PPRC1: variants seen among roughly 807,000 people sequenced by gnomAD.
PPRC1 encodes the protein PPARG related coactivator 1.
PPRC1 carries 23 observed loss-of-function variants against 132.5 expected under a neutral mutation model. The ratio of observed to expected loss-of-function variants is 0.17; its 90% confidence interval spans 0.12 to 0.25. The LOEUF is 0.25. PPRC1 is among the 10% of genes least tolerant of loss of function. The pLI, the probability that PPRC1 is intolerant of heterozygous loss-of-function variation, is 1.00. For synonymous variants in PPRC1, 872 were observed against 833.5 expected (o/e 1.05, Z -0.80); for missense variants, 2,006 against 2,089.1 (o/e 0.96, Z 0.78).
At chr10:102,137,254 G>T (rs949525768) in intron 1 of PPRC1, among the ~76,000 whole-genome samples, 4 of 152,164 alleles carry the variant, frequency 2.6e-5, no homozygotes, top group African/African-American at 9.7e-5. Flanking sequence ...CAGGAGAATC[G>T]CTTGAACCCA....
chr10:102,138,870 C>G lies in PPRC1; in HGVS notation c.490-9C>G. 1 of 1,613,718 alleles carries G rather than the reference C, an allele frequency of 6.2e-7. No homozygotes were observed. Among genetic ancestry groups the G allele is most frequent in the Non-Finnish European group, 8.5e-7 (1 of 1,179,638 alleles). On this transcript the variant is annotated splice_polypyrimidine_tract_variant and intron_variant, in intron 3 of 13. Transcript: ENST00000278070. ...ATAGACTGATCTCAGGTCTTTCTTTCCCTCTTAGCTGCACAAGCTGCTTAC... is the reference window on the plus strand; with the variant it reads ...ATAGACTGATCTCAGGTCTTTCTTTGCCTCTTAGCTGCACAAGCTGCTTAC...
At position 102,150,170 on chromosome 10, in the gene PPRC1, G is replaced by GA; in HGVS notation, c.*141_*142insA. 1 of 629,154 alleles carries GA rather than the reference G, an allele frequency of 1.6e-6. No homozygotes were observed. Among genetic ancestry groups the GA allele is most frequent in the Non-Finnish European group, 2.8e-6 (1 of 360,848 alleles). 39.0% of individuals were successfully genotyped at this position (629,154 alleles called of 1,614,324 possible). A position where few individuals can be genotyped will look rare whatever the true frequency, so the allele number is the denominator to read the frequency against. The stretch of plus-strand genomic sequence containing the variant: ...TGGAAAAAAGTGAAATAAAAAATAT[G>GA]TTGAATCAGATTTTTTAAAAGGGGT... On this transcript the variant is annotated 3_prime_UTR_variant, in exon 14 of 14. Coordinates refer to ENST00000278070, the MANE Select transcript of PPRC1 (RefSeq NM_015062.5).
At chr10:102,143,962 G>A (rs2069110931) in intron 6 of PPRC1, among the ~76,000 whole-genome samples, 1 of 152,224 alleles carries the variant, frequency 6.6e-6, no homozygotes, top group African/African-American at 2.4e-5. Flanking sequence ...TGTGAGGCCA[G>A]GAAGCTAGTT....
In PPRC1 at chr10:102,139,958, C is replaced by T. The variant is rs769353905; in HGVS notation, c.1450C>T (p.Arg484Cys). The T allele has an allele frequency of 1.1e-5, 17 of 1,614,096 alleles. No individual in the cohort carries two copies. Among genetic ancestry groups the T allele is most frequent in the African/African-American group, 5.3e-5 (4 of 74,928 alleles). Residue 484 changes from arginine (R) to cysteine (C), a missense_variant, in exon 5 of 14, where the codon CGC (arginine) becomes TGC (cysteine). Arg to Cys is a radical substitution (Grantham distance 180). Transcript: ENST00000278070. ...GYARRLRSSS[R>C]GQSTVGTEVT... Reference sequence around the variant, plus strand: ...TGCCAGGAGGCTGAGGTCATCTTCTCGCGGGCAGTCTACTGTAGGTACAGA... The same window carrying T: ...TGCCAGGAGGCTGAGGTCATCTTCTTGCGGGCAGTCTACTGTAGGTACAGA...
intron 9 of PPRC1, among the ~76,000 whole-genome samples, chr10:102,147,776 T>C (rs1409210302): frequency 1.3e-5 from 2 of 152,234 alleles, no homozygotes; most frequent in African/African-American, 2.4e-5. Flanking sequence ...AATCATCTGC[T>C]GAGGAAGGTG....
intron 7 of PPRC1, chr10:102,144,512 C>T: frequency 1.7e-6 from 1 of 590,180 alleles, no homozygotes; most frequent in East Asian, 2.8e-5. Context: ...GTTCACTGCC[C>T]TCCAGCTGAT....
In PPRC1 at chr10:102,148,440, C is replaced by T. The variant is rs201734122; in HGVS notation, c.4469C>T (p.Ser1490Leu). Residue 1490 changes from serine to leucine, a missense_variant, in exon 10 of 14, where the codon TCG becomes TTG. Around this residue, in one of 2 missense-constraint regions of PPRC1, gnomAD observed 1,914 missense variants for 1,917.2 expected, o/e 1.00. Coordinates refer to ENST00000278070, the MANE Select transcript of PPRC1 (RefSeq NM_015062.5). The surrounding 1 kb of genome is among the most constrained non-coding windows in gnomAD (Gnocchi z 4.2). ...TCTTCTTCGTCATCATCTTCCTCTT[C>T]GTCTTCCTCATCCTCATCATCCAGT... ...SSSSSSSSSS[S>L]SSSSSSSSSR... is the part of the protein sequence containing the mutation. 14 of 1,611,184 alleles carry T rather than the reference C, an allele frequency of 8.7e-6. No individual in the cohort carries two copies. The highest frequency in any genetic ancestry group is 4.5e-5 in the East Asian group (2 of 44,864).
chr10:102,149,132 G>A (rs2069402366), intron 12 of PPRC1, 46 bp from the exon 13 acceptor site: 1 of 1,542,838 alleles, frequency 6.5e-7, no homozygotes, highest in Admixed American at 2.0e-5. Context: ...CTATGGCATG[G>A]GCCCATATAG....
chr10:102,126,561 C>T, the PPRC1 span, among the ~76,000 whole-genome samples: 25 of 150,812 alleles, frequency 1.7e-4, no homozygotes, highest in East Asian at 3.0e-3. Context: ...TGGGTTCAAG[C>T]GATTCTCCTG....
At position 102,140,524 on chromosome 10, in the gene PPRC1, C is replaced by T; in HGVS notation, c.2016C>T (p.Asp672=). 1 of 1,614,134 alleles carries T rather than the reference C, an allele frequency of 6.2e-7. No homozygotes were observed. The change falls in exon 5 of 14, where the codon GAC becomes GAT. Residue 672 remains aspartate (D), a synonymous_variant. Transcript: ENST00000278070. The part of the protein sequence containing the change: ...GPAPVDLALV[D]PVPNDLTPVD... ...CACCAGTTGATCTAGCACTGGTTGA[C>T]CCTGTTCCTAATGACCTGACTCCAG...
At chr10:102,125,587 A>C in the PPRC1 span, among the ~76,000 whole-genome samples, 6 of 151,908 alleles carry the variant, frequency 3.9e-5, no homozygotes, top group Non-Finnish European at 2.9e-5. Flanking sequence ...ACTAGTCATT[A>C]GTGCAAGATG....
At chr10:102,142,360 C>G (rs1322516042) in intron 5 of PPRC1, among the ~76,000 whole-genome samples, 2 of 147,556 alleles carry the variant, frequency 1.4e-5, no homozygotes, top group Non-Finnish European at 3.0e-5. Flanking sequence ...CTCAGCCTCC[C>G]AAAGTGCTGG....
intron 1 of PPRC1, among the ~76,000 whole-genome samples, chr10:102,134,056 C>G (rs1357697116): frequency 6.6e-6 from 1 of 151,864 alleles, no homozygotes; most frequent in African/African-American, 2.4e-5. Flanking sequence ...TCCGTCTGAC[C>G]GGCTTGGGGT....
upstream of PPRC1, among the ~76,000 whole-genome samples, chr10:102,128,861 G>A (rs1218090357): frequency 1.4e-5 from 2 of 145,514 alleles, no homozygotes; most frequent in Non-Finnish European, 3.0e-5. Context: ...TGATCCGCCC[G>A]CCTCGGCCTC....
chr10:102,130,589 G>T (rs2068525333), upstream of PPRC1, among the ~76,000 whole-genome samples: 1 of 151,928 alleles, frequency 6.6e-6, no homozygotes. Flanking sequence ...TACAAAATTA[G>T]CTGGGCGTGG....
At position 102,139,403 on chromosome 10, in the gene PPRC1, G is replaced by A. The variant is rs2068853956; in HGVS notation, c.895G>A (p.Asp299Asn). ...AGAGATGGCAGTGCCAGCAGCTGGT[G>A]ATGAGAGCATCTCCTCCCTGAGTGA... ...AAEMAVPAAGDESISSLSELV... is the reference protein window; with the variant it reads ...AAEMAVPAAGNESISSLSELV... Residue 299 changes from aspartate (D) to asparagine (N), a missense_variant, in exon 5 of 14, where the codon GAT becomes AAT. Around this residue, in one of 2 missense-constraint regions of PPRC1, gnomAD observed 1,914 missense variants for 1,917.2 expected, o/e 1.00. Coordinates refer to ENST00000278070, the MANE Select transcript of PPRC1 (RefSeq NM_015062.5). The A allele has an allele frequency of 2.5e-6, 4 of 1,614,236 alleles. No homozygotes were observed. Among genetic ancestry groups the A allele is most frequent in the African/African-American group, 1.3e-5 (1 of 75,066 alleles).
chr10:102,144,935 C>A, intron 7 of PPRC1, 85 bp from the exon 8 acceptor site: 1 of 1,098,830 alleles, frequency 9.1e-7, no homozygotes, highest in Non-Finnish European at 1.4e-6. Flanking sequence ...TGCACCCACC[C>A]CCTCCCATTG....
Position 102,147,100 on chromosome 10 carries a change from C to T in PPRC1, c.4108C>T (p.Leu1370Phe), listed in dbSNP as rs1481602466. The T allele has an allele frequency of 1.2e-6, 2 of 1,614,218 alleles. No homozygotes were observed. Among genetic ancestry groups the T allele is most frequent in the African/African-American group, 1.3e-5 (1 of 75,062 alleles). ...SEQADPSAPCLAPSSLLSPEA... is the reference protein window; with the variant it reads ...SEQADPSAPCFAPSSLLSPEA... ...GCAGGCAGATCCCTCAGCACCCTGC[C>T]TTGCCCCATCCAGCTTGCTGTCCCC... The change falls in exon 9 of 14, where the codon CTT becomes TTT. Residue 1370 changes from leucine (L) to phenylalanine (F), a missense_variant. By Grantham distance (22) the Leu-to-Phe change is conservative. Around this residue, in one of 2 missense-constraint regions of PPRC1, gnomAD observed 1,914 missense variants for 1,917.2 expected, o/e 1.00. Transcript: ENST00000278070.
At chr10:102,129,394 C>T (rs992545167), upstream of PPRC1, among the ~76,000 whole-genome samples, 1 of 152,136 alleles carries the variant, frequency 6.6e-6, no homozygotes, top group Admixed American at 6.6e-5. Context: ...GTAGTCACAA[C>T]ACCCCTGTTC....
Sources: gnomAD v4.1 joint callset for allele counts (sites outside exome capture counted in the v4.1 genomes callset) on GRCh38, gnomAD v4.1.1 for gene constraint, gnomAD v4.1.1 regional missense constraint, Gnocchi (gnomAD v3.1) non-coding constraint, MANE v1.5 for transcripts, NCBI Gene and HGNC (gene_info 2026-07-23, HGNC 2026-07-21) for gene names.